Variants in STARD9 observed in about 807,000 individuals in gnomAD.
STARD9 encodes StAR related lipid transfer domain containing 9.
Under a neutral mutation model 399.8 loss-of-function variants are expected in STARD9, and 346 were observed. The ratio of observed to expected loss-of-function variants is 0.87; its 90% CI spans 0.79 to 0.95. The LOEUF is 0.95. STARD9 is among the 40% of genes least tolerant of loss of function. STARD9 has a pLI of 0.00. For missense variants in STARD9, 5,832 were observed against 5,667.5 expected (o/e 1.03, Z -0.93); for synonymous variants, 2,203 against 2,143.5 (o/e 1.03, Z -0.77).
chr15:42,682,094 T>A lies in STARD9; in HGVS notation c.2066-10T>A. The A allele has an allele frequency of 6.6e-7, 1 of 1,520,398 alleles. No homozygotes were observed. The highest frequency in any genetic ancestry group is 1.4e-5 in the African/African-American group (1 of 72,536). 94.2% of individuals were successfully genotyped at this position (1,520,398 alleles called of 1,614,324 possible). A position where few individuals can be genotyped will look rare whatever the true frequency, so the allele number is the denominator to read the frequency against. ...TGCTGAAATTCTCTCTGGGTGTTTT[T>A]GGTTCCCAGACCAGCAGTGTCTGCT... On this transcript the variant is annotated splice_polypyrimidine_tract_variant and intron_variant, in intron 21 of 32. Coordinates refer to ENST00000290607, the MANE Select transcript of STARD9 (RefSeq NM_020759.3).
intron 7 of STARD9, among the ~76,000 whole-genome samples, chr15:42,644,887 C>T (rs1005619519): frequency 6.6e-6 from 1 of 152,146 alleles, no homozygotes; most frequent in African/African-American, 2.4e-5. Flanking sequence ...GCATCTTCAC[C>T]AGGAGTAGGT....
chr15:42,592,995 A>T (rs980005010), intron 3 of STARD9, among the ~76,000 whole-genome samples: 1 of 152,172 alleles, frequency 6.6e-6, no homozygotes, highest in Non-Finnish European at 1.5e-5. Flanking sequence ...TCTAAAATAG[A>T]GATCATATAT....
intron 3 of STARD9, among the ~76,000 whole-genome samples, chr15:42,616,496 CAG>C (rs1226403247): frequency 1.3e-5 from 2 of 152,278 alleles, no homozygotes; most frequent in Middle Eastern, 6.8e-3. Flanking sequence ...ACTCTGCCAA[CAG>C]AGTTATTTTG....
chr15:42,634,362 A>G (rs940426685), intron 3 of STARD9, among the ~76,000 whole-genome samples: 2 of 152,178 alleles, frequency 1.3e-5, no homozygotes, highest in Admixed American at 6.6e-5. Context: ...CTTAGGGTCA[A>G]TCTGAGGAGG....
chr15:42,608,001 C>T (rs574188738), intron 3 of STARD9, among the ~76,000 whole-genome samples: 1 of 152,174 alleles, frequency 6.6e-6, no homozygotes, highest in Non-Finnish European at 1.5e-5. Context: ...ACCCCCACCC[C>T]CCGCAGGTCT....
At position 42,651,004 on chromosome 15, in the gene STARD9, C is replaced by A. The variant is rs1292696490; in HGVS notation, c.560-12C>A. On this transcript the variant is annotated splice_polypyrimidine_tract_variant and intron_variant, in intron 7 of 32. Transcript: ENST00000290607. ...CATTTAATTTCTTTTTTCCGTTTCA[C>A]AAATCCGATAGGTTTATCTCAACAT... 4 of 1,498,836 alleles carry A rather than the reference C, an allele frequency of 2.7e-6. No homozygotes were observed. Among genetic ancestry groups the A allele is most frequent in the Non-Finnish European group, 3.6e-6 (4 of 1,122,764 alleles). The allele number at this position is 1,498,836 out of a possible 1,614,324, so 92.8% of individuals were successfully genotyped here.
intron 4 of STARD9, among the ~76,000 whole-genome samples, chr15:42,636,159 TGGG>T (rs1271203532): frequency 6.6e-6 from 1 of 151,928 alleles, no homozygotes; most frequent in Non-Finnish European, 1.5e-5. Flanking sequence ...TAGCTGGGTG[TGGG>T]GGCACATCCT....
intron 7 of STARD9, among the ~76,000 whole-genome samples, chr15:42,649,028 G>A (rs768956835): frequency 1.3e-5 from 2 of 151,640 alleles, no homozygotes; most frequent in Non-Finnish European, 2.9e-5. Context: ...TGCACACCTA[G>A]CCTCCATTTT....
chr15:42,581,732 T>C (rs1268442250), intron 1 of STARD9, among the ~76,000 whole-genome samples: 2 of 152,232 alleles, frequency 1.3e-5, no homozygotes, highest in Admixed American at 1.3e-4. Context: ...TTTTTTTGTT[T>C]TTTGTTTTTA....
Position 42,704,395 on chromosome 15 carries a change from G to A in STARD9, c.13284+8515G>A, listed in dbSNP as rs541991238. ...ATTTAGTTGGTTTGGTGAGGTCATA[G>A]TTCCCTTAATGTTCTTGATGCTTTC... On this transcript the variant is annotated intron_variant, in intron 26 of 32. Coordinates refer to ENST00000290607, the MANE Select transcript of STARD9 (RefSeq NM_020759.3). Among the ~76,000 whole-genome samples, 39 of 152,308 alleles carry A rather than the reference G, an allele frequency of 2.6e-4. No homozygotes were observed. The South Asian group carries it at 8.1e-3, about 32-fold the overall frequency.
At chr15:42,591,303 C>T (rs569954684) in intron 3 of STARD9, among the ~76,000 whole-genome samples, 7 of 152,266 alleles carry the variant, frequency 4.6e-5, no homozygotes, top group East Asian at 1.9e-4. Flanking sequence ...GCCTGGCCAA[C>T]GTGGCGAAAC....
In STARD9 at chr15:42,684,914, C is replaced by G. The variant is rs972427301; in HGVS notation, c.3336C>G (p.Leu1112=). The part of the protein sequence containing the change: ...DTDSNYSLDS[L]SCVYAKALIE... Reference sequence around the variant, plus strand: ...ATAGCAACTACTCATTGGATTCTCTCTCATGTGTCTATGCCAAAGCCCTGA... The same window carrying G: ...ATAGCAACTACTCATTGGATTCTCTGTCATGTGTCTATGCCAAAGCCCTGA... The change falls in exon 23 of 33, where the codon CTC becomes CTG. Residue 1112 remains leucine (L), a synonymous_variant. Transcript: ENST00000290607. 1.8e-5 allele frequency: 27 copies of G among 1,536,962 alleles called. No individual in the cohort carries two copies. The highest frequency in any genetic ancestry group is 2.4e-5 in the East Asian group (1 of 40,932).
At chr15:42,582,694 A>AGTT (rs1451273608) in intron 1 of STARD9, among the ~76,000 whole-genome samples, 2 of 152,014 alleles carry the variant, frequency 1.3e-5, no homozygotes, top group Admixed American at 1.3e-4. Flanking sequence ...TGCTCTCTAG[A>AGTT]GTTTCTTTTC....
chr15:42,711,625 G>A (rs1432726348), intron 26 of STARD9, among the ~76,000 whole-genome samples: 1 of 152,052 alleles, frequency 6.6e-6, no homozygotes, highest in Non-Finnish European at 1.5e-5. Context: ...CACAACAAGG[G>A]GTCCTTCATG....
At chr15:42,705,633 G>C (rs895281274) in intron 26 of STARD9, among the ~76,000 whole-genome samples, 1 of 151,922 alleles carries the variant, frequency 6.6e-6, no homozygotes, top group African/African-American at 2.4e-5. Flanking sequence ...ATAGAGATGG[G>C]GTTTTCAGTG....
intron 7 of STARD9, among the ~76,000 whole-genome samples, chr15:42,648,579 G>A (rs1398107077): frequency 6.6e-6 from 1 of 152,258 alleles, no homozygotes; most frequent in Admixed American, 6.5e-5. Context: ...TGTTTTTGCT[G>A]AGAAGTCATC....
At position 42,674,340 on chromosome 15, in the gene STARD9, A is replaced by G. The variant is rs532800789; in HGVS notation, c.1498-100A>G. The G allele has an allele frequency of 1.2e-3, 1,135 of 962,118 alleles. 3 individuals carry two copies. Among genetic ancestry groups the G allele is most frequent in the Admixed American group, 2.1e-3 (101 of 48,788 alleles). 59.6% of individuals were successfully genotyped at this position (962,118 alleles called of 1,614,324 possible). On this transcript the variant is annotated intron_variant, in intron 16 of 32. Coordinates refer to ENST00000290607, the MANE Select transcript of STARD9 (RefSeq NM_020759.3). ...GATGGGATGAGAAGTGGTACAGATG[A>G]GGCTGGGAAGACAGTGAGAATATTC...
At chr15:42,707,197 G>C (rs1013794009) in intron 26 of STARD9, among the ~76,000 whole-genome samples, 2 of 152,186 alleles carry the variant, frequency 1.3e-5, no homozygotes, top group East Asian at 3.8e-4. Flanking sequence ...TAGGAAGCCA[G>C]ATGATGCCAG....
Position 42,663,499 on chromosome 15 carries a change from G to T in STARD9, c.1078+9G>T. ...AACCATCATGGTTGCCAGTGAGTGG[G>T]ATGCCAGAGCTGGACCTGTGTTGGG... On this transcript the variant is annotated intron_variant, in intron 12 of 32. Coordinates refer to ENST00000290607, the MANE Select transcript of STARD9 (RefSeq NM_020759.3). The T allele has an allele frequency of 6.5e-7, 1 of 1,537,200 alleles. No individual in the cohort carries two copies. Among genetic ancestry groups the T allele is most frequent in the Non-Finnish European group, 8.7e-7 (1 of 1,146,844 alleles).
Sources: gnomAD v4.1 joint callset for allele counts (sites outside exome capture counted in the v4.1 genomes callset) on GRCh38, gnomAD v4.1.1 for gene constraint, MANE v1.5 for transcripts, NCBI Gene and HGNC (gene_info 2026-07-23, HGNC 2026-07-21) for gene names.